Variants in FIGN observed in about 807,000 individuals in gnomAD.
The protein encoded by FIGN is fidgetin.
Under a neutral mutation model 51.3 loss-of-function variants are expected in FIGN, and 11 were observed. The ratio of observed to expected loss-of-function variants is 0.21; its 90% CI spans 0.13 to 0.35. The LOEUF is 0.35. FIGN is among the 10% of genes least tolerant of loss of function. FIGN has a pLI of 1.00. For synonymous variants in FIGN, 407 were observed against 363.2 expected (o/e 1.12, Z -1.37); for missense variants, 857 against 943.6 (o/e 0.91, Z 1.20).
At chr2:163,689,750 T>C (rs1455321838) in intron 2 of FIGN, among the ~76,000 whole-genome samples, 1 of 152,130 alleles carries the variant, frequency 6.6e-6, no homozygotes, top group Non-Finnish European at 1.5e-5. Flanking sequence ...AGATTATGTC[T>C]GTCAGATGAA....
chr2:163,733,788 T>C (rs1684967944), intron 2 of FIGN, among the ~76,000 whole-genome samples: 2 of 152,214 alleles, frequency 1.3e-5, no homozygotes, highest in African/African-American at 4.8e-5. Flanking sequence ...TCTCTTCGTA[T>C]TCACATTTGT....
chr2:163,666,519 T>A (rs947422569), intron 2 of FIGN, among the ~76,000 whole-genome samples: 1 of 152,268 alleles, frequency 6.6e-6, no homozygotes, highest in African/African-American at 2.4e-5. Flanking sequence ...TATTCCAATA[T>A]TAATTTACTG....
intron 2 of FIGN, among the ~76,000 whole-genome samples, chr2:163,719,756 G>A (rs746999412): frequency 2.6e-5 from 4 of 152,116 alleles, no homozygotes; most frequent in Non-Finnish European, 4.4e-5. Context: ...AAAGAAAAAC[G>A]AAGAATCACT....
At chr2:163,671,607 A>G (rs1683877511) in intron 2 of FIGN, among the ~76,000 whole-genome samples, 1 of 152,228 alleles carries the variant, frequency 6.6e-6, no homozygotes, top group Non-Finnish European at 1.5e-5. Context: ...ATGTAGTTTA[A>G]AAAATTGATT....
In FIGN at chr2:163,610,692, C is replaced by T. The variant is rs949148554; in HGVS notation, c.1140G>A (p.Lys380=). 13 of 1,614,088 alleles carry T rather than the reference C, an allele frequency of 8.1e-6. No individual in the cohort carries two copies. Among genetic ancestry groups the T allele is most frequent in the Admixed American group, 3.3e-5 (2 of 60,008 alleles). The change falls in exon 3 of 3, where the codon AAG becomes AAA. Residue 380 remains lysine, a synonymous_variant. Coordinates refer to ENST00000333129, the MANE Select transcript of FIGN (RefSeq NM_018086.4). The part of the protein sequence containing the change: ...ETSSLAFKPT[K]QLMSSEQQRK... ...TTTGCTGTTCAGAGGACATTAGCTGCTTCGTTGGCTTAAATGCTAAGGATG... is the reference window on the plus strand; with the variant it reads ...TTTGCTGTTCAGAGGACATTAGCTGTTTCGTTGGCTTAAATGCTAAGGATG...
At chr2:163,672,495 A>G (rs1426572739) in intron 2 of FIGN, among the ~76,000 whole-genome samples, 1 of 152,154 alleles carries the variant, frequency 6.6e-6, no homozygotes, top group East Asian at 1.9e-4. Flanking sequence ...GACTCCTCCA[A>G]TGCTACTGAA....
At chr2:163,628,975 G>A (rs552727218) in intron 2 of FIGN, among the ~76,000 whole-genome samples, 2 of 152,222 alleles carry the variant, frequency 1.3e-5, no homozygotes, top group Admixed American at 6.5e-5. Flanking sequence ...TCTCCTTGGA[G>A]AACTACTGGA....
At chr2:163,723,400 C>G (rs564026040) in intron 2 of FIGN, among the ~76,000 whole-genome samples, 36 of 152,118 alleles carry the variant, frequency 2.4e-4, no homozygotes, top group Non-Finnish European at 3.5e-4. Context: ...TAGAGAAACA[C>G]AAATGCCTAG....
chr2:163,684,168 C>T (rs562183430), intron 2 of FIGN, among the ~76,000 whole-genome samples: 11 of 151,276 alleles, frequency 7.3e-5, no homozygotes, highest in Non-Finnish European at 1.3e-4. Flanking sequence ...ATTATCTTTA[C>T]ACACACACAC....
chr2:163,670,831 G>GAT (rs1683863738), intron 2 of FIGN, among the ~76,000 whole-genome samples: 1 of 151,974 alleles, frequency 6.6e-6, no homozygotes, highest in African/African-American at 2.4e-5. Context: ...CAGTTCTTTT[G>GAT]ATATATATGC....
chr2:163,643,771 T>A (rs1683340056), intron 2 of FIGN, among the ~76,000 whole-genome samples: 1 of 150,078 alleles, frequency 6.7e-6, no homozygotes, highest in Admixed American at 6.7e-5. Flanking sequence ...CTGGCCAATA[T>A]GGTGAAACTC....
intron 2 of FIGN, among the ~76,000 whole-genome samples, chr2:163,724,798 T>C (rs1328445004): frequency 1.3e-5 from 2 of 152,112 alleles, no homozygotes; most frequent in Non-Finnish European, 2.9e-5. Flanking sequence ...AGTTGAACCA[T>C]CTTTAAAGGC....
chr2:163,665,726 T>G (rs1472084831), intron 2 of FIGN, among the ~76,000 whole-genome samples: 1 of 152,192 alleles, frequency 6.6e-6, no homozygotes, highest in Non-Finnish European at 1.5e-5. Context: ...GATGATGACC[T>G]AACAATACAG....
At chr2:163,671,980 C>G (rs1183853819) in intron 2 of FIGN, among the ~76,000 whole-genome samples, 1 of 151,996 alleles carries the variant, frequency 6.6e-6, no homozygotes, top group African/African-American at 2.4e-5. Context: ...ATGGAAATAT[C>G]CTGGCAATAT....
chr2:163,689,722 C>T (rs1286562229), intron 2 of FIGN, among the ~76,000 whole-genome samples: 2 of 152,050 alleles, frequency 1.3e-5, no homozygotes, highest in Non-Finnish European at 1.5e-5. Context: ...AGTTAGGCAA[C>T]ATAAAAATAT....
intron 2 of FIGN, among the ~76,000 whole-genome samples, chr2:163,618,488 C>CGGT (rs1682914441): frequency 6.6e-6 from 1 of 151,890 alleles, no homozygotes; most frequent in Non-Finnish European, 1.5e-5. Flanking sequence ...AGATACCTCA[C>CGGT]CCTCTTACAG....
chr2:163,718,429 A>G (rs939626002), intron 2 of FIGN, among the ~76,000 whole-genome samples: 1 of 152,192 alleles, frequency 6.6e-6, no homozygotes, highest in Non-Finnish European at 1.5e-5. Context: ...AGAATATATT[A>G]TATCTGTAAC....
chr2:163,702,134 C>A (rs1373594405), intron 2 of FIGN, among the ~76,000 whole-genome samples: 1 of 152,136 alleles, frequency 6.6e-6, no homozygotes, highest in Non-Finnish European at 1.5e-5. Context: ...CATATGTAAT[C>A]AGCAGAGACA....
intron 2 of FIGN, among the ~76,000 whole-genome samples, chr2:163,699,563 C>T (rs1684375819): frequency 6.6e-6 from 1 of 152,048 alleles, no homozygotes; most frequent in African/African-American, 2.4e-5. Flanking sequence ...TTTAGAACAT[C>T]TTTCCAAAAA....
Sources: allele counts gnomAD v4.1 joint callset (sites outside exome capture counted in the v4.1 genomes callset), GRCh38; gene constraint gnomAD v4.1.1; transcripts MANE v1.5; gene names NCBI Gene and HGNC (gene_info 2026-07-23, HGNC 2026-07-21).